KCNMB2: variants seen among roughly 807,000 people sequenced by gnomAD.
KCNMB2 encodes calcium-activated potassium channel subunit beta-2.
Under a neutral mutation model 24.5 loss-of-function variants are expected in KCNMB2, and 9 were observed. The ratio of observed to expected loss-of-function variants is 0.37; its 90% confidence interval spans 0.22 to 0.64. The LOEUF (loss-of-function observed/expected upper bound fraction) is 0.64. Ranked by LOEUF, KCNMB2 falls within the 30% of genes least tolerant of loss-of-function variation. The pLI, the probability that KCNMB2 is intolerant of heterozygous loss-of-function variation, is 0.63. For missense variants in KCNMB2, 226 were observed against 284.3 expected (o/e 0.79, Z 1.47); for synonymous variants, 109 against 104.4 (o/e 1.04, Z -0.27).
At chr3:178,801,507 T>C (rs1713776036) in intron 1 of KCNMB2, among the ~76,000 whole-genome samples, 1 of 152,192 alleles carries the variant, frequency 6.6e-6, no homozygotes, top group Non-Finnish European at 1.5e-5. Flanking sequence ...GAGAGAAAAG[T>C]ATTTTTCATT....
At chr3:178,683,824 G>A (rs1721360090) in intron 1 of KCNMB2, among the ~76,000 whole-genome samples, 1 of 152,248 alleles carries the variant, frequency 6.6e-6, no homozygotes, top group Non-Finnish European at 1.5e-5. Flanking sequence ...TGGCAAAGGT[G>A]TGGAGAAAAG....
intron 1 of KCNMB2, among the ~76,000 whole-genome samples, chr3:178,581,759 T>A (rs1041189982): frequency 6.6e-6 from 1 of 151,920 alleles, no homozygotes; most frequent in Non-Finnish European, 1.5e-5. Flanking sequence ...AACAAACATA[T>A]GAAAAAAAGC....
intron 1 of KCNMB2, among the ~76,000 whole-genome samples, chr3:178,792,284 CTTAT>C (rs1406744919): frequency 6.6e-6 from 1 of 152,090 alleles, no homozygotes; most frequent in African/African-American, 2.4e-5. Flanking sequence ...TAGTTTTCCT[CTTAT>C]TTGTCTGCTT....
intron 1 of KCNMB2, among the ~76,000 whole-genome samples, chr3:178,559,431 A>T (rs1313847536): frequency 6.6e-6 from 1 of 151,910 alleles, no homozygotes; most frequent in Admixed American, 6.6e-5. Flanking sequence ...ATTTTCTTGT[A>T]TTTGAACAAT....
chr3:178,610,535 T>A (rs1274841674), intron 1 of KCNMB2, among the ~76,000 whole-genome samples: 5 of 152,084 alleles, frequency 3.3e-5, no homozygotes, highest in Non-Finnish European at 5.9e-5. Flanking sequence ...GATTACTTTT[T>A]AATTTCTTTT....
rs565613930 is a variant in KCNMB2, at chr3:178,837,866, GT to G, written c.424-4784del. 2.2e-3 allele frequency among the ~76,000 whole-genome samples: 330 copies of G among 152,024 alleles called. 4 individuals carry two copies. Among genetic ancestry groups the G allele is most frequent in the African/African-American group, 7.6e-3 (316 of 41,452 alleles). ...AATTATTGCCATTTGTCTGACAAAT[GT>G]TTCTTTAAAAATCTATATTTTTAAG... On this transcript the variant is annotated intron_variant, in intron 4 of 4. Transcript: ENST00000452583.
rs189649337 is a variant in KCNMB2, at chr3:178,656,337, C to A, written c.-68+119626C>A. On this transcript the variant is annotated intron_variant, in intron 1 of 4. Coordinates refer to ENST00000452583, the MANE Select transcript of KCNMB2 (RefSeq NM_181361.3). ...TAGCAGGCATTCATGCTAACAAACA[C>A]TGAATTCAAATGATATTCCTATAAA... Among the ~76,000 whole-genome samples, 145 of 152,280 alleles carry A rather than the reference C, an allele frequency of 9.5e-4. 2 individuals carry two copies. The East Asian group carries it at 0.018, about 19-fold the overall frequency.
intron 1 of KCNMB2, among the ~76,000 whole-genome samples, chr3:178,643,367 C>T (rs1233365831): frequency 6.6e-6 from 1 of 152,112 alleles, no homozygotes; most frequent in Non-Finnish European, 1.5e-5. Flanking sequence ...TGAGGCTAAA[C>T]ATGTGATAAA....
chr3:178,834,855 A>G (rs1715167315), intron 4 of KCNMB2, among the ~76,000 whole-genome samples: 2 of 152,076 alleles, frequency 1.3e-5, no homozygotes, highest in Non-Finnish European at 2.9e-5. Context: ...ACCTTTGTGT[A>G]TAAGTAAAAG....
intron 1 of KCNMB2, among the ~76,000 whole-genome samples, chr3:178,541,368 G>A (rs1447085083): frequency 6.6e-6 from 1 of 152,140 alleles, no homozygotes; most frequent in East Asian, 1.9e-4. Flanking sequence ...ATGAGGAAAG[G>A]GATGGTAAAA....
At chr3:178,820,337 T>C (rs1460495318) in intron 2 of KCNMB2, among the ~76,000 whole-genome samples, 1 of 152,238 alleles carries the variant, frequency 6.6e-6, no homozygotes, top group Non-Finnish European at 1.5e-5. Flanking sequence ...ATGACTGACA[T>C]CTCACTCAGC....
chr3:178,719,061 T>C (rs981884537), intron 1 of KCNMB2, among the ~76,000 whole-genome samples: 1 of 152,220 alleles, frequency 6.6e-6, no homozygotes, highest in Non-Finnish European at 1.5e-5. Context: ...TTCAGAAGCA[T>C]CACTGCATCA....
At chr3:178,633,481 T>A (rs1719400003) in intron 1 of KCNMB2, among the ~76,000 whole-genome samples, 1 of 152,234 alleles carries the variant, frequency 6.6e-6, no homozygotes, top group Admixed American at 6.5e-5. Context: ...GGCTTGGGGC[T>A]CACACCCTCT....
chr3:178,553,727 A>T (rs1716034726), intron 1 of KCNMB2, among the ~76,000 whole-genome samples: 2 of 151,980 alleles, frequency 1.3e-5, no homozygotes, highest in African/African-American at 2.4e-5. Context: ...TTTAGTAGAG[A>T]TGGGGTTTCA....
Position 178,760,167 on chromosome 3 carries a change from T to G in KCNMB2, c.-67-47176T>G, listed in dbSNP as rs868797909. Among the ~76,000 whole-genome samples, 221 of 37,332 alleles carry G rather than the reference T, an allele frequency of 5.9e-3. 12 individuals carry two copies. Among genetic ancestry groups the G allele is most frequent in the African/African-American group, 0.031 (143 of 4,554 alleles). The allele number at this position is 37,332 out of a possible 152,430, so 24.5% of individuals were successfully genotyped here. A position where few individuals can be genotyped will look rare whatever the true frequency, so the allele number is the denominator to read the frequency against. ...CCAAGAGGATATATCTATATATATA[T>G]ATATATCCAAGAGGATATATCTATA... On this transcript the variant is annotated intron_variant, in intron 1 of 4. Transcript: ENST00000452583.
At chr3:178,790,381 G>A in intron 1 of KCNMB2, among the ~76,000 whole-genome samples, 1 of 152,064 alleles carries the variant, frequency 6.6e-6, no homozygotes, top group Non-Finnish European at 1.5e-5. Flanking sequence ...GAGGAAAGGA[G>A]AGGGAAGACT....
chr3:178,825,575 T>G lies in KCNMB2; in HGVS notation c.57-13T>G. 1 of 1,608,112 alleles carries G rather than the reference T, an allele frequency of 6.2e-7. No individual in the cohort carries two copies. The highest frequency in any genetic ancestry group is 8.5e-7 in the Non-Finnish European group (1 of 1,175,510). ...CTAAACTTAATGTAAGACCATATTGTTTTTAACCTCAGAAATATTTACCAG... is the reference window on the plus strand; with the variant it reads ...CTAAACTTAATGTAAGACCATATTGGTTTTAACCTCAGAAATATTTACCAG... On this transcript the variant is annotated splice_polypyrimidine_tract_variant and intron_variant, in intron 2 of 4. Transcript: ENST00000452583.
chr3:178,802,925 C>T (rs1402236450), intron 1 of KCNMB2, among the ~76,000 whole-genome samples: 2 of 152,100 alleles, frequency 1.3e-5, no homozygotes, highest in East Asian at 1.9e-4. Context: ...GTGACTTAAT[C>T]GAATTTTTTT....
At chr3:178,596,426 A>G (rs1292886954) in intron 1 of KCNMB2, among the ~76,000 whole-genome samples, 1 of 152,154 alleles carries the variant, frequency 6.6e-6, no homozygotes, top group Non-Finnish European at 1.5e-5. Flanking sequence ...ATTCTTTCCT[A>G]TGATCACAAA....
Sources: gnomAD v4.1 joint callset for allele counts (sites outside exome capture counted in the v4.1 genomes callset) on GRCh38, gnomAD v4.1.1 for gene constraint, MANE v1.5 for transcripts, NCBI Gene and HGNC (gene_info 2026-07-23, HGNC 2026-07-21) for gene names.